PDSS2: variants seen among roughly 807,000 people sequenced by gnomAD.
PDSS2 encodes decaprenyl diphosphate synthase subunit 2.
In PDSS2, 31 loss-of-function variants were observed where a neutral mutation model predicts 44.5. The ratio of observed to expected loss-of-function variants is 0.70; its 90% CI spans 0.52 to 0.94. The LOEUF (loss-of-function observed/expected upper bound fraction) is 0.94. Ranked by LOEUF, PDSS2 falls within the 40% of genes least tolerant of loss-of-function variation. PDSS2 has a pLI of 0.00. For missense variants in PDSS2, 452 were observed against 482.2 expected, an observed-to-expected ratio of 0.94 and a Z score of 0.59; for synonymous variants, 157 against 180.3, an observed-to-expected ratio of 0.87 and a Z score of 1.03.
intron 2 of PDSS2, among the ~76,000 whole-genome samples, chr6:107,313,573 G>A (rs1051690384): frequency 1.5e-4 from 23 of 151,762 alleles, no homozygotes; most frequent in Admixed American, 2.0e-4. Context: ...GGCTGGTCTC[G>A]AACTCCTGAC....
chr6:107,410,560 C>T (rs986444459), intron 1 of PDSS2, among the ~76,000 whole-genome samples: 44 of 152,160 alleles, frequency 2.9e-4, no homozygotes, highest in African/African-American at 1.0e-3. Context: ...ACAACCTCAG[C>T]CCACTGCAAC....
At chr6:107,190,558 A>G (rs1772336721) in intron 7 of PDSS2, among the ~76,000 whole-genome samples, 1 of 152,220 alleles carries the variant, frequency 6.6e-6, no homozygotes, top group Admixed American at 6.5e-5. Flanking sequence ...ACAGAGTAAG[A>G]GCAGTGACTG....
chr6:107,415,440 G>T lies in PDSS2; in HGVS notation c.296+43550C>A, dbSNP rs191895821. Among the ~76,000 whole-genome samples, 515 of 152,240 alleles carry T rather than the reference G, an allele frequency of 3.4e-3. 1 individual carries two copies. The highest frequency in any genetic ancestry group is 5.4e-3 in the Non-Finnish European group (364 of 68,010). Reference sequence around the variant, plus strand: ...AGTACTAGTAAGGCCTCTTCTAGGTGTAAGATCCTTGTTCATAAAAAACAG... The same window carrying T: ...AGTACTAGTAAGGCCTCTTCTAGGTTTAAGATCCTTGTTCATAAAAAACAG... On this transcript the variant is annotated intron_variant, in intron 1 of 7. Coordinates refer to ENST00000369037, the MANE Select transcript of PDSS2 (RefSeq NM_020381.4).
chr6:107,300,646 G>C (rs757576219), intron 2 of PDSS2, among the ~76,000 whole-genome samples: 3 of 152,194 alleles, frequency 2.0e-5, no homozygotes, highest in Non-Finnish European at 4.4e-5. Flanking sequence ...CAATGATCGG[G>C]ATATAAACCT....
intron 1 of PDSS2, among the ~76,000 whole-genome samples, chr6:107,384,235 G>C (rs1779539184): frequency 6.6e-6 from 1 of 152,136 alleles, no homozygotes; most frequent in Non-Finnish European, 1.5e-5. Flanking sequence ...AGGGGTAGTG[G>C]GTAAATAGGT....
intron 1 of PDSS2, among the ~76,000 whole-genome samples, chr6:107,359,007 C>CTTTTTTTTTTT (rs59632305): frequency 6.4e-5 from 6 of 93,054 alleles, no homozygotes; most frequent in East Asian, 3.6e-4. Flanking sequence ...CATTCTCGCT[C>CTTTTTTTTTTT]TTTTTTTTTT....
At chr6:107,171,646 G>A (rs1292135882) in intron 7 of PDSS2, among the ~76,000 whole-genome samples, 2 of 151,894 alleles carry the variant, frequency 1.3e-5, no homozygotes, top group Non-Finnish European at 2.9e-5. Flanking sequence ...GAGTAGCTAG[G>A]GCTATAGGCA....
At chr6:107,362,115 A>G (rs969759593) in intron 1 of PDSS2, among the ~76,000 whole-genome samples, 1 of 152,214 alleles carries the variant, frequency 6.6e-6, no homozygotes, top group Non-Finnish European at 1.5e-5. Context: ...CAAATATTTA[A>G]CAGGGAATTC....
At chr6:107,210,678 A>C in intron 5 of PDSS2, 108 bp from the exon 6 acceptor site, 1 of 775,206 alleles carries the variant, frequency 1.3e-6, no homozygotes, top group Non-Finnish European at 2.2e-6. Flanking sequence ...AAGCTTAAGG[A>C]ATGCAGTTTT....
chr6:107,189,349 A>G (rs763048993), intron 7 of PDSS2, among the ~76,000 whole-genome samples: 1 of 151,186 alleles, frequency 6.6e-6, no homozygotes, highest in Non-Finnish European at 1.5e-5. Flanking sequence ...TTTTCTTTTT[A>G]TTTTTTTAGA....
chr6:107,209,397 C>G (rs944132980), intron 6 of PDSS2, among the ~76,000 whole-genome samples: 1 of 152,048 alleles, frequency 6.6e-6, no homozygotes, highest in African/African-American at 2.4e-5. Context: ...TCCACATCTG[C>G]AAGGCTTTTT....
chr6:107,349,095 C>A (rs894842219), intron 1 of PDSS2, among the ~76,000 whole-genome samples: 5 of 152,116 alleles, frequency 3.3e-5, no homozygotes, highest in Non-Finnish European at 7.4e-5. Context: ...AGAGTCAGTT[C>A]CTATCTTGGT....
At chr6:107,403,478 C>T (rs1454802173) in intron 1 of PDSS2, among the ~76,000 whole-genome samples, 1 of 152,256 alleles carries the variant, frequency 6.6e-6, no homozygotes, top group African/African-American at 2.4e-5. Flanking sequence ...CTTCTCACAG[C>T]TCCATTAGGC....
intron 1 of PDSS2, among the ~76,000 whole-genome samples, chr6:107,400,819 G>A (rs1022505640): frequency 3.9e-5 from 6 of 152,160 alleles, no homozygotes; most frequent in Non-Finnish European, 8.8e-5. Context: ...AGACTTGCCT[G>A]GCCCAGCTCT....
chr6:107,459,228 G>A lies in PDSS2; in HGVS notation c.58C>T (p.Pro20Ser). The change falls in exon 1 of 8, where the codon CCG (proline) becomes TCG (serine). Residue 20 changes from proline (P) to serine (S), a missense_variant. Coordinates refer to ENST00000369037, the MANE Select transcript of PDSS2 (RefSeq NM_020381.4). The surrounding 1 kb of genome is among the most constrained non-coding windows in gnomAD (Gnocchi z 4.3). The stretch of plus-strand genomic sequence containing the variant: ...GACGGGGACCACCACAGGCGACGCG[G>A]GGAACCCGAGGCTCCAAGATAACGT... ...LPRYLGASGS[P>S]RRLWWSPSLD... The A allele has an allele frequency of 2.5e-6, 4 of 1,614,178 alleles. No individual in the cohort carries two copies. Among genetic ancestry groups the A allele is most frequent in the Non-Finnish European group, 3.4e-6 (4 of 1,180,020 alleles).
At chr6:107,224,367 C>T (rs1019229172) in intron 4 of PDSS2, among the ~76,000 whole-genome samples, 9 of 151,270 alleles carry the variant, frequency 5.9e-5, no homozygotes, top group African/African-American at 2.2e-4. Context: ...GAGGGAAATC[C>T]ACCACTGAGC....
At chr6:107,257,411 C>T (rs1035554062) in intron 3 of PDSS2, among the ~76,000 whole-genome samples, 3 of 149,068 alleles carry the variant, frequency 2.0e-5, no homozygotes, top group East Asian at 4.0e-4. Context: ...TGGTGTCTTG[C>T]GCTGTAGTCC....
intron 1 of PDSS2, among the ~76,000 whole-genome samples, chr6:107,444,868 T>C (rs1220256697): frequency 6.6e-6 from 1 of 152,148 alleles, no homozygotes; most frequent in East Asian, 1.9e-4. Context: ...TCGTCTCCAA[T>C]AGCTGCATAC....
In PDSS2 at chr6:107,336,640, C is replaced by T. The variant is rs548260562; in HGVS notation, c.297-2308G>A. 2.2e-4 allele frequency among the ~76,000 whole-genome samples: 33 copies of T among 151,930 alleles called. No homozygotes were observed. The South Asian group carries it at 6.9e-3, about 32-fold the overall frequency. On this transcript the variant is annotated intron_variant, in intron 1 of 7. Transcript: ENST00000369037. The stretch of plus-strand genomic sequence containing the variant: ...TTAAGAGGCATCCTATTACAGAACA[C>T]AAAAATGTTAAAAGAAGAGCTTTTT...
Sources: gnomAD v4.1 joint callset for allele counts (sites outside exome capture counted in the v4.1 genomes callset) on GRCh38, gnomAD v4.1.1 for gene constraint, Gnocchi (gnomAD v3.1) non-coding constraint, MANE v1.5 for transcripts, NCBI Gene and HGNC (gene_info 2026-07-23, HGNC 2026-07-21) for gene names.